The following TXNDC17 variants were observed in gnomAD, a reference collection of about 807,000 sequenced individuals.
The protein encoded by TXNDC17 is thioredoxin domain-containing protein 17.
Under a neutral mutation model 16.3 loss-of-function variants are expected in TXNDC17, and 12 were observed. The ratio of observed to expected loss-of-function variants is 0.74; its 90% confidence interval spans 0.47 to 1.19. The LOEUF is 1.19. TXNDC17 is among the 50% of genes most tolerant of loss of function. The probability of loss-of-function intolerance (pLI) is 0.00; values close to 1 mark genes in which losing one functional copy is unlikely to be tolerated. For missense variants in TXNDC17, 158 were observed against 149.7 expected (o/e 1.06, Z -0.29); for synonymous variants, 62 against 55.0 (o/e 1.13, Z -0.56).
intron 1 of TXNDC17, chr17:6,641,452 T>G: frequency 3.0e-6 from 2 of 664,630 alleles, no homozygotes; most frequent in Non-Finnish European, 5.0e-6. Context: ...TCCTTAAAAC[T>G]TCTCACTCCC....
intron 2 of TXNDC17, 164 bp from the exon 3 acceptor site, chr17:6,642,085 T>C (rs1972689032): frequency 1.5e-6 from 1 of 664,216 alleles, no homozygotes; most frequent in Non-Finnish European, 2.6e-6. Context: ...CTTTGAAACT[T>C]TGCACAGGGT....
At chr17:6,641,643 G>T in intron 1 of TXNDC17, 110 bp from the exon 2 acceptor site, 1 of 1,044,168 alleles carries the variant, frequency 9.6e-7, no homozygotes, top group African/African-American at 1.6e-5. Context: ...TTAGCTGCAG[G>T]TTAAAGTCTG....
chr17:6,642,142 A>C, intron 2 of TXNDC17, 107 bp from the exon 3 acceptor site: 1 of 795,332 alleles, frequency 1.3e-6, no homozygotes, highest in Non-Finnish European at 2.0e-6. Context: ...AAGTGTTTGC[A>C]AGAACAGTGA....
rs1052066422 is a variant in TXNDC17, at chr17:6,643,873, A to G, written c.*854A>G. ...AGAGTCCAGTTAGTAACTAACCACTAGTTGTCCTGCCATGACTAGGTCAAG... is the reference window on the plus strand; with the variant it reads ...AGAGTCCAGTTAGTAACTAACCACTGGTTGTCCTGCCATGACTAGGTCAAG... On this transcript the variant is annotated 3_prime_UTR_variant, in exon 4 of 4. Transcript: ENST00000250101. The G allele has an allele frequency of 3.5e-5, 13 of 375,204 alleles. No individual in the cohort carries two copies. The highest frequency in any genetic ancestry group is 2.7e-4 in the African/African-American group (13 of 48,120). 23.2% of individuals were successfully genotyped at this position (375,204 alleles called of 1,614,324 possible). A position where few individuals can be genotyped will look rare whatever the true frequency, so the allele number is the denominator to read the frequency against.
chr17:6,644,274 G>T lies in TXNDC17; in HGVS notation c.*1255G>T. On this transcript the variant is annotated 3_prime_UTR_variant, in exon 4 of 4. Transcript: ENST00000250101. The stretch of plus-strand genomic sequence containing the variant: ...GAAAAACACCTTACAAATCCACAGG[G>T]AAATCAAAGAACAATTCAGGTTTAA... The T allele has an allele frequency of 1.7e-6, 1 of 592,642 alleles. No individual in the cohort carries two copies. The highest frequency in any genetic ancestry group is 1.9e-5 in the African/African-American group (1 of 52,324). 36.7% of individuals were successfully genotyped at this position (592,642 alleles called of 1,614,324 possible). A position where few individuals can be genotyped will look rare whatever the true frequency, so the allele number is the denominator to read the frequency against.
rs988045563 is a variant in TXNDC17 at position 6,644,425 on chromosome 17, C to T, written c.*1406C>T. On this transcript the variant is annotated 3_prime_UTR_variant, in exon 4 of 4. Transcript: ENST00000250101. ...TTGTCTTCACTGTACAAAAGAAATA[C>T]ATTATATACATGTATTAAGTGCCTC... The T allele has an allele frequency of 1.3e-6, 2 of 1,521,298 alleles. No individual in the cohort carries two copies. Among genetic ancestry groups the T allele is most frequent in the Non-Finnish European group, 1.8e-6 (2 of 1,138,712 alleles). The allele number at this position is 1,521,298 out of a possible 1,614,324, so 94.2% of individuals were successfully genotyped here. A position where few individuals can be genotyped will look rare whatever the true frequency, so the allele number is the denominator to read the frequency against.
At chr17:6,641,632 G>A in intron 1 of TXNDC17, 121 bp from the exon 2 acceptor site, 2 of 941,472 alleles carry the variant, frequency 2.1e-6, no homozygotes, top group South Asian at 1.5e-5. Context: ...GACCTCTTCA[G>A]TTAGCTGCAG....
At chr17:6,642,778 T>C in intron 3 of TXNDC17, 173 bp from the exon 4 acceptor site, 1 of 597,136 alleles carries the variant, frequency 1.7e-6, no homozygotes, top group Non-Finnish European at 3.0e-6. Context: ...TGTTAGTGAT[T>C]CATCTTACAG....
At chr17:6,642,673 A>T in intron 3 of TXNDC17, 1 of 469,432 alleles carries the variant, frequency 2.1e-6, no homozygotes, top group Non-Finnish European at 3.8e-6. Flanking sequence ...TAAATTAAAG[A>T]GTTGAGGGGA....
At chr17:6,642,216 T>C (rs1788336725) in intron 2 of TXNDC17, 33 bp from the exon 3 acceptor site, 2 of 1,495,068 alleles carry the variant, frequency 1.3e-6, no homozygotes, top group Admixed American at 1.8e-5. Flanking sequence ...ACCAAGTAAA[T>C]TTTTTTCATG....
chr17:6,642,885 G>T, intron 3 of TXNDC17, 66 bp from the exon 4 acceptor site: 1 of 1,194,648 alleles, frequency 8.4e-7, no homozygotes, highest in South Asian at 1.2e-5. Context: ...ATTCAAGGCA[G>T]AACTCATTCC....
intron 2 of TXNDC17, 113 bp downstream of exon 2, chr17:6,641,947 G>C: frequency 6.3e-6 from 6 of 945,882 alleles, no homozygotes; most frequent in Non-Finnish European, 1.0e-5. Flanking sequence ...TGTCTGACAA[G>C]TTAAACAATT....
chr17:6,643,779 C>A lies in TXNDC17; in HGVS notation c.*760C>A, dbSNP rs533457552. 4.3e-6 allele frequency: 1 copy of A among 233,084 alleles called. No homozygotes were observed. Among genetic ancestry groups the A allele is most frequent in the South Asian group, 1.8e-4 (1 of 5,556 alleles). 14.4% of individuals were successfully genotyped at this position (233,084 alleles called of 1,614,324 possible). Reference sequence around the variant, plus strand: ...ACATAGCACCTGGTTTGTGGTACCTCCCAAATCAATGGTAGCTTTCCCAAA... The same window carrying A: ...ACATAGCACCTGGTTTGTGGTACCTACCAAATCAATGGTAGCTTTCCCAAA... On this transcript the variant is annotated 3_prime_UTR_variant, in exon 4 of 4. Coordinates refer to ENST00000250101, the MANE Select transcript of TXNDC17 (RefSeq NM_032731.4).
intron 3 of TXNDC17, 90 bp from the exon 4 acceptor site, chr17:6,642,861 C>A: frequency 3.2e-6 from 3 of 933,046 alleles, no homozygotes; most frequent in South Asian, 2.8e-5. Context: ...TTTCTGTGTT[C>A]AAAGATGAGT....
Position 6,644,165 on chromosome 17 carries a change from ACCCCATG to A in TXNDC17, c.*1152_*1158del, listed in dbSNP as rs1261978354. On this transcript the variant is annotated 3_prime_UTR_variant, in exon 4 of 4. Coordinates refer to ENST00000250101, the MANE Select transcript of TXNDC17 (RefSeq NM_032731.4). ...TCAGTATACTTGGTGGCCCACCCCTACCCCATGCCCCAGTGCCTTATTTGGTCTAAAG... is the reference window on the plus strand; with the variant it reads ...TCAGTATACTTGGTGGCCCACCCCTACCCCAGTGCCTTATTTGGTCTAAAG... The A allele has an allele frequency of 4.5e-6, 2 of 446,892 alleles. No individual in the cohort carries two copies. The allele number at this position is 446,892 out of a possible 1,614,324, so 27.7% of individuals were successfully genotyped here.
chr17:6,644,236 A>C lies in TXNDC17; in HGVS notation c.*1217A>C, dbSNP rs2150947321. On this transcript the variant is annotated 3_prime_UTR_variant, in exon 4 of 4. Coordinates refer to ENST00000250101, the MANE Select transcript of TXNDC17 (RefSeq NM_032731.4). ...CATTCTTAATCAGCTGATTATGCTA[A>C]ATGCGTAAAAAAGAAAAACACCTTA... 7.5e-6 allele frequency: 4 copies of C among 533,474 alleles called. No homozygotes were observed. The South Asian group carries it at 1.6e-4, about 21-fold the overall frequency. The allele number at this position is 533,474 out of a possible 1,614,324, so 33.0% of individuals were successfully genotyped here.
At chr17:6,642,428 A>T in intron 3 of TXNDC17, 104 bp downstream of exon 3, 1 of 815,488 alleles carries the variant, frequency 1.2e-6, no homozygotes, top group Non-Finnish European at 2.0e-6. Context: ...TCTCAATTCC[A>T]TTGTTGTTCA....
At chr17:6,641,454 C>T (rs1567599927) in intron 1 of TXNDC17, 2 of 658,840 alleles carry the variant, frequency 3.0e-6, no homozygotes, top group Non-Finnish European at 5.1e-6. Context: ...CTTAAAACTT[C>T]TCACTCCCCC....
At chr17:6,641,624 C>A in intron 1 of TXNDC17, 129 bp from the exon 2 acceptor site, 1 of 881,592 alleles carries the variant, frequency 1.1e-6, no homozygotes, top group South Asian at 1.5e-5. Context: ...CTTGTGTTGA[C>A]CTCTTCAGTT....
Sources: gnomAD v4.1 joint callset for allele counts on GRCh38, gnomAD v4.1.1 for gene constraint, MANE v1.5 for transcripts, NCBI Gene and HGNC (gene_info 2026-07-23, HGNC 2026-07-21) for gene names.